Variants in PPP2R3A observed in about 807,000 individuals in gnomAD.
The protein encoded by PPP2R3A is protein phosphatase 2 regulatory subunit B''alpha.
PPP2R3A carries 80 observed loss-of-function variants against 106.9 expected under a neutral mutation model. The ratio of observed to expected loss-of-function variants is 0.75; its 90% CI spans 0.62 to 0.90. The LOEUF (loss-of-function observed/expected upper bound fraction) is 0.90, where lower values mean the gene tolerates loss of function less well. Ranked by LOEUF, PPP2R3A falls within the 40% of genes least tolerant of loss-of-function variation. The pLI is 0.00. For synonymous variants in PPP2R3A, 483 were observed against 468.3 expected, an observed-to-expected ratio of 1.03 and a Z score of -0.41; for missense variants, 1,386 against 1,350.4, an observed-to-expected ratio of 1.03 and a Z score of -0.41.
chr3:136,105,452 CCT>C (rs148686666), intron 12 of PPP2R3A, among the ~76,000 whole-genome samples: 71 of 152,074 alleles, frequency 4.7e-4, no homozygotes, highest in African/African-American at 1.5e-3. Context: ...ATAGTGAGCC[CCT>C]GTGTCTACAA....
intron 5 of PPP2R3A, among the ~76,000 whole-genome samples, chr3:136,060,486 G>C (rs755536745): frequency 6.6e-6 from 1 of 152,164 alleles, no homozygotes; most frequent in African/African-American, 2.4e-5. Context: ...CATCCTCCTA[G>C]TGCTGTCTCA....
intron 1 of PPP2R3A, among the ~76,000 whole-genome samples, chr3:135,992,509 G>A (rs1173078246): frequency 1.3e-5 from 2 of 152,044 alleles, no homozygotes; most frequent in Non-Finnish European, 2.9e-5. Context: ...TTCCTGAAGT[G>A]GAACAAATAA....
In PPP2R3A at chr3:136,002,907, G is replaced by T. The variant is rs1372223625; in HGVS notation, c.1409G>T (p.Gly470Val). The T allele has an allele frequency of 1.2e-6, 2 of 1,611,976 alleles. No homozygotes were observed. The highest frequency in any genetic ancestry group is 2.7e-5 in the African/African-American group (2 of 74,730). The change falls in exon 2 of 14, where the codon GGT (glycine) becomes GTT (valine). Residue 470 changes from glycine to valine, a missense_variant. Transcript: ENST00000264977. ...CCCACCCCAATGCAAAATGAAATTG[G>T]TAAGATATTTGAGAAATCATTTGTT... ...KCPTPMQNEIGKIFEKSFVNL... is the reference protein window; with the variant it reads ...KCPTPMQNEIVKIFEKSFVNL...
intron 10 of PPP2R3A, among the ~76,000 whole-genome samples, chr3:136,094,673 C>G (rs553971899): frequency 6.6e-6 from 1 of 152,192 alleles, no homozygotes; most frequent in Admixed American, 6.5e-5. Flanking sequence ...ATAAAACTCA[C>G]CTAAAAAGAA....
At chr3:136,087,243 G>A (rs919362428) in intron 8 of PPP2R3A, among the ~76,000 whole-genome samples, 3 of 75,062 alleles carry the variant, frequency 4.0e-5, no homozygotes, top group Non-Finnish European at 5.8e-5. Flanking sequence ...GTCTCTAGTC[G>A]TGTCTCTCTC....
At chr3:136,079,521 G>T (rs1481330296) in intron 7 of PPP2R3A, among the ~76,000 whole-genome samples, 1 of 149,300 alleles carries the variant, frequency 6.7e-6, no homozygotes, top group Non-Finnish European at 1.5e-5. Flanking sequence ...TGATTCTTCT[G>T]CCTTAGCCTC....
chr3:135,993,923 T>G (rs1933279935), intron 1 of PPP2R3A, among the ~76,000 whole-genome samples: 1 of 152,152 alleles, frequency 6.6e-6, no homozygotes, highest in African/African-American at 2.4e-5. Context: ...TCAGTGGTTG[T>G]TGGATATTAT....
At chr3:136,125,101 A>T (rs1938135522) in intron 13 of PPP2R3A, among the ~76,000 whole-genome samples, 1 of 152,192 alleles carries the variant, frequency 6.6e-6, no homozygotes, top group South Asian at 2.1e-4. Context: ...TGGGCAGTTC[A>T]CCAGAGGTCG....
Position 136,111,326 on chromosome 3 carries a change from G to A in PPP2R3A, c.3329+5004G>A, listed in dbSNP as rs376973364. ...ATTTCTCCAACAATGGTTAAAGTAT[G>A]TCTGTTAAAAATTTAAGATATTTTC... is the stretch of plus-strand genomic sequence containing the variant. On this transcript the variant is annotated intron_variant, in intron 13 of 13. Transcript: ENST00000264977. Among the ~76,000 whole-genome samples the A allele has an allele frequency of 3.3e-4, 50 of 152,196 alleles. No individual in the cohort carries two copies. In the East Asian group the frequency reaches 8.7e-3, roughly 26 times the overall value.
chr3:136,033,240 T>G (rs1412123102), intron 3 of PPP2R3A, among the ~76,000 whole-genome samples: 1 of 152,204 alleles, frequency 6.6e-6, no homozygotes, highest in African/African-American at 2.4e-5. Context: ...TTAATCATGG[T>G]GGATTATCTG....
chr3:136,107,012 C>T (rs1368305784), intron 13 of PPP2R3A: 2 of 143,098 alleles, frequency 1.4e-5, no homozygotes, highest in Non-Finnish European at 3.0e-5. Flanking sequence ...CTTTATTATA[C>T]ATGGTTTTGT....
chr3:136,011,538 A>G (rs187130468), intron 2 of PPP2R3A, among the ~76,000 whole-genome samples: 86 of 152,308 alleles, frequency 5.6e-4, no homozygotes, highest in African/African-American at 2.1e-3. Context: ...TAGATACCCT[A>G]AGAGATTCCA....
At chr3:136,030,271 G>A (rs1934823113) in intron 3 of PPP2R3A, among the ~76,000 whole-genome samples, 1 of 150,884 alleles carries the variant, frequency 6.6e-6, no homozygotes, top group Admixed American at 6.6e-5. Flanking sequence ...GAAGTTGAGG[G>A]GGATGTGTAT....
intron 6 of PPP2R3A, among the ~76,000 whole-genome samples, chr3:136,074,478 A>G (rs911074711): frequency 6.6e-6 from 1 of 152,246 alleles, no homozygotes; most frequent in African/African-American, 2.4e-5. Flanking sequence ...AATACCAGCA[A>G]ATCATAGCCG....
intron 11 of PPP2R3A, 126 bp from the exon 12 acceptor site, chr3:136,103,132 T>G: frequency 1.9e-6 from 1 of 516,902 alleles, no homozygotes; most frequent in South Asian, 4.6e-5. Flanking sequence ...ATTTAAATTT[T>G]TTTATTCTGA....
In PPP2R3A at chr3:136,041,238, G is replaced by GTTTTTTTTTTTTTTTTTTTTT. The variant is rs67116006; in HGVS notation, c.2366+287_2366+288insTTTTTTTTTTTTTTTTTTTTT. Reference sequence around the variant, plus strand: ...TTATTAGTTTTACTTGGTTTTTCTTGTTTTTTTTTTTGTTTTTTTTTTTGT... The same window carrying GTTTTTTTTTTTTTTTTTTTTT: ...TTATTAGTTTTACTTGGTTTTTCTTGTTTTTTTTTTTTTTTTTTTTTTTTTTTTTTTTGTTTTTTTTTTTGT... On this transcript the variant is annotated intron_variant, in intron 4 of 13. Transcript: ENST00000264977. Among the ~76,000 whole-genome samples the GTTTTTTTTTTTTTTTTTTTTT allele has an allele frequency of 7.5e-5, 7 of 92,890 alleles. 1 individual carries two copies. Among genetic ancestry groups the GTTTTTTTTTTTTTTTTTTTTT allele is most frequent in the African/African-American group, 2.7e-4 (6 of 22,200 alleles). The allele number at this position is 92,890 out of a possible 152,430, so 60.9% of individuals were successfully genotyped here. A position where few individuals can be genotyped will look rare whatever the true frequency, so the allele number is the denominator to read the frequency against.
intron 1 of PPP2R3A, among the ~76,000 whole-genome samples, chr3:135,978,488 T>G (rs1032977908): frequency 2.6e-5 from 4 of 151,906 alleles, no homozygotes; most frequent in Admixed American, 2.6e-4. Flanking sequence ...CTGGATTTTT[T>G]TTTTTTGTAA....
intron 5 of PPP2R3A, among the ~76,000 whole-genome samples, chr3:136,056,537 A>G (rs550116408): frequency 5.9e-5 from 9 of 152,286 alleles, no homozygotes; most frequent in African/African-American, 1.9e-4. Context: ...GTTATATACA[A>G]TAAGAACCGT....
At chr3:136,047,104 C>CTA (rs1161350065) in intron 4 of PPP2R3A, among the ~76,000 whole-genome samples, 3 of 152,146 alleles carry the variant, frequency 2.0e-5, no homozygotes, top group African/African-American at 7.2e-5. Flanking sequence ...GAGACCAAAC[C>CTA]TATAACTCAT....
Sources: allele counts gnomAD v4.1 joint callset (sites outside exome capture counted in the v4.1 genomes callset), GRCh38; gene constraint gnomAD v4.1.1; transcripts MANE v1.5; gene names NCBI Gene and HGNC (gene_info 2026-07-23, HGNC 2026-07-21).